BCAS3: variants seen among roughly 807,000 people sequenced by gnomAD.
The protein encoded by BCAS3 is BCAS4/BCAS3 fusion.
BCAS3 carries 53 observed loss-of-function variants against 116.1 expected under a neutral mutation model. The observed-to-expected ratio is 0.46, with a 90% CI of 0.37 to 0.57. BCAS3 has a LOEUF of 0.57. BCAS3 is among the 20% of genes least tolerant of loss of function. The pLI, the probability that BCAS3 is intolerant of heterozygous loss-of-function variation, is 0.00. For missense variants in BCAS3, 917 were observed against 1,165.4 expected, an observed-to-expected ratio of 0.79 and a Z score of 3.10; for synonymous variants, 391 against 408.2, an observed-to-expected ratio of 0.96 and a Z score of 0.51.
chr17:61,370,042 C>T (rs570215508), intron 23 of BCAS3, among the ~76,000 whole-genome samples: 223 of 152,292 alleles, frequency 1.5e-3, no homozygotes, highest in African/African-American at 5.2e-3. Context: ...CACTGTCATC[C>T]GGCAAGAGGA....
chr17:60,686,530 A>T (rs565003859), intron 3 of BCAS3, among the ~76,000 whole-genome samples: 2 of 146,906 alleles, frequency 1.4e-5, no homozygotes, highest in East Asian at 2.0e-4. Context: ...TATTTATTTA[A>T]TTTTTTTTTT....
chr17:61,086,831 C>A (rs1466400528), intron 22 of BCAS3: 1 of 985,266 alleles, frequency 1.0e-6, no homozygotes, highest in Non-Finnish European at 1.2e-6. Flanking sequence ...ATGAGTAATT[C>A]TCTCTTCAGC....
rs1429319279 is a variant in BCAS3, at chr17:61,366,125, A to C, written c.2426-2202A>C. ...ACCACTGCACTCCATCCTGGGCGAC[A>C]GAGTGAGACTGTCTCAAAAAAAAAA... On this transcript the variant is annotated intron_variant, in intron 22 of 23. Transcript: ENST00000407086. The surrounding 1 kb of genome is among the most constrained non-coding windows in gnomAD (Gnocchi z 4.5). Among the ~76,000 whole-genome samples, 3 of 144,984 alleles carry C rather than the reference A, an allele frequency of 2.1e-5. No homozygotes were observed. The highest frequency in any genetic ancestry group is 7.7e-5 in the African/African-American group (3 of 38,886).
intron 6 of BCAS3, among the ~76,000 whole-genome samples, chr17:60,750,103 G>A (rs1046252558): frequency 1.3e-5 from 2 of 151,872 alleles, no homozygotes; most frequent in African/African-American, 4.8e-5. Flanking sequence ...GGAGGCAGAG[G>A]TTGCAGTGAG....
At chr17:61,060,973 CT>C (rs1247582617) in intron 19 of BCAS3, among the ~76,000 whole-genome samples, 1 of 152,108 alleles carries the variant, frequency 6.6e-6, no homozygotes, top group Non-Finnish European at 1.5e-5. Context: ...GCTCTTCTTA[CT>C]TTTGGAAAGT....
chr17:61,099,938 TA>T (rs1253408264), intron 22 of BCAS3, among the ~76,000 whole-genome samples: 1 of 152,244 alleles, frequency 6.6e-6, no homozygotes, highest in Non-Finnish European at 1.5e-5. Flanking sequence ...TCCAAAATTT[TA>T]GTGGTGTCAT....
chr17:61,010,127 A>T (rs961649659), intron 15 of BCAS3, among the ~76,000 whole-genome samples: 8 of 143,390 alleles, frequency 5.6e-5, no homozygotes, highest in African/African-American at 2.1e-4. Context: ...CTGGTTTGGG[A>T]ATATGCCTCT....
intron 22 of BCAS3, among the ~76,000 whole-genome samples, chr17:61,269,799 T>A (rs1355868099): frequency 2.6e-5 from 4 of 150,972 alleles, no homozygotes; most frequent in Admixed American, 1.3e-4. Flanking sequence ...TTTTTCTTTC[T>A]TTCTTTTTTT....
chr17:60,732,277 G>T (rs575315840), intron 5 of BCAS3, among the ~76,000 whole-genome samples: 1 of 152,192 alleles, frequency 6.6e-6, no homozygotes, highest in South Asian at 2.1e-4. Context: ...CATATGGTTA[G>T]TACATGTGAA....
intron 6 of BCAS3, among the ~76,000 whole-genome samples, chr17:60,760,906 A>T (rs1190760553): frequency 6.6e-6 from 1 of 151,754 alleles, no homozygotes; most frequent in African/African-American, 2.4e-5. Context: ...ATTCTTTTTC[A>T]TCCTTTTTTC....
chr17:60,876,514 C>T (rs2055623440), intron 9 of BCAS3, among the ~76,000 whole-genome samples: 1 of 152,086 alleles, frequency 6.6e-6, no homozygotes, highest in Non-Finnish European at 1.5e-5. Context: ...TTCCCACTGT[C>T]TGTTTGTAGA....
intron 22 of BCAS3, among the ~76,000 whole-genome samples, chr17:61,314,883 T>C (rs78650388): frequency 0.019 from 2,946 of 152,302 alleles, 109 homozygotes; most frequent in African/African-American, 0.067. Context: ...GAGTGGATAA[T>C]GCTCTTTACA....
chr17:60,780,823 C>G (rs560652946), intron 6 of BCAS3, among the ~76,000 whole-genome samples: 9 of 152,194 alleles, frequency 5.9e-5, no homozygotes, highest in African/African-American at 2.2e-4. Context: ...TGAGTTATGG[C>G]TAACATAGCC....
intron 6 of BCAS3, among the ~76,000 whole-genome samples, chr17:60,761,978 G>A (rs1276288005): frequency 7.9e-5 from 12 of 152,002 alleles, no homozygotes; most frequent in Non-Finnish European, 1.2e-4. Flanking sequence ...ATTTTTTCAC[G>A]TGTCTGTTGG....
intron 11 of BCAS3, among the ~76,000 whole-genome samples, chr17:60,906,270 A>G (rs1354155350): frequency 1.3e-5 from 2 of 152,220 alleles, no homozygotes; most frequent in Non-Finnish European, 2.9e-5. Context: ...AAAACTTTTT[A>G]GAAAATAGTT....
chr17:61,328,134 C>T (rs2055887798), intron 22 of BCAS3, among the ~76,000 whole-genome samples: 1 of 151,418 alleles, frequency 6.6e-6, no homozygotes, highest in African/African-American at 2.4e-5. Flanking sequence ...TTAGTATGCA[C>T]ATATCGTGGA....
intron 22 of BCAS3, among the ~76,000 whole-genome samples, chr17:61,297,292 A>G (rs1312295261): frequency 6.6e-6 from 1 of 152,206 alleles, no homozygotes. Flanking sequence ...GAGGCTGGGG[A>G]TGGAGGAGAG....
intron 6 of BCAS3, among the ~76,000 whole-genome samples, chr17:60,769,896 T>C (rs1430468177): frequency 1.3e-5 from 2 of 152,050 alleles, no homozygotes; most frequent in Non-Finnish European, 2.9e-5. Context: ...CCATTCAGCC[T>C]CCTGAGTAGC....
chr17:61,218,239 A>C (rs548560680), intron 22 of BCAS3, among the ~76,000 whole-genome samples: 12 of 152,294 alleles, frequency 7.9e-5, no homozygotes, highest in Non-Finnish European at 1.0e-4. Context: ...CTGTGAGCCC[A>C]TTATCACAGT....
Sources: allele counts gnomAD v4.1 joint callset (sites outside exome capture counted in the v4.1 genomes callset), GRCh38; gene constraint gnomAD v4.1.1; non-coding constraint Gnocchi (gnomAD v3.1); transcripts MANE v1.5; gene names NCBI Gene and HGNC (gene_info 2026-07-23, HGNC 2026-07-21).